Variants in COP1 observed in about 807,000 individuals in gnomAD.
The protein encoded by COP1 is E3 ubiquitin-protein ligase COP1.
In COP1, 24 loss-of-function variants were observed where a neutral mutation model predicts 101.3. The observed-to-expected ratio is 0.24, with a 90% CI of 0.17 to 0.33. The LOEUF (loss-of-function observed/expected upper bound fraction) is 0.33. COP1 is among the 10% of genes least tolerant of loss of function. The probability of loss-of-function intolerance (pLI) is 1.00; values close to 1 mark genes in which losing one functional copy is unlikely to be tolerated. For missense variants in COP1, 663 were observed against 906.2 expected, an observed-to-expected ratio of 0.73 and a Z score of 3.45; for synonymous variants, 347 against 341.9, an observed-to-expected ratio of 1.01 and a Z score of -0.17.
intron 11 of COP1, 150 bp downstream of exon 11, chr1:176,081,002 G>A (rs2502828): frequency 0.97 from 627,132 of 644,856 alleles, 305,722 homozygotes; most frequent in East Asian, 1. Flanking sequence ...GCATATAGAA[G>A]CTCAGGAACT....
intron 14 of COP1, among the ~76,000 whole-genome samples, chr1:176,038,809 C>T (rs974067386): frequency 5.2e-4 from 58 of 111,240 alleles, no homozygotes; most frequent in Non-Finnish European, 9.2e-4. Context: ...CAGAGCTAGA[C>T]TCCATCTCAA....
At chr1:176,054,997 G>T (rs1034257487) in intron 11 of COP1, among the ~76,000 whole-genome samples, 2 of 152,144 alleles carry the variant, frequency 1.3e-5, no homozygotes, top group Non-Finnish European at 2.9e-5. Context: ...AGTCAACTCC[G>T]AATTCTGACC....
At position 176,025,533 on chromosome 1, in the gene COP1, A is replaced by T. The variant is rs553250395; in HGVS notation, c.1729+2039T>A. On this transcript the variant is annotated intron_variant, in intron 15 of 19. Coordinates refer to ENST00000367669, the MANE Select transcript of COP1 (RefSeq NM_022457.7). ...AAATAACAAAAATGGTAACATATAT[A>T]GGAAAAAAAATTGACCAGAAAAGTC... 4.6e-5 allele frequency among the ~76,000 whole-genome samples: 7 copies of T among 152,044 alleles called. No individual in the cohort carries two copies. The East Asian group carries it at 1.3e-3, about 29-fold the overall frequency.
chr1:176,051,912 C>CA (rs1487223148), intron 11 of COP1, among the ~76,000 whole-genome samples: 1 of 151,168 alleles, frequency 6.6e-6, no homozygotes, highest in African/African-American at 2.4e-5. Context: ...AAAAAAATCA[C>CA]AAAGTCAAAA....
chr1:176,094,541 A>G (rs1681978446), intron 9 of COP1, among the ~76,000 whole-genome samples: 2 of 152,064 alleles, frequency 1.3e-5, no homozygotes, highest in Non-Finnish European at 2.9e-5. Flanking sequence ...TCAAACAGAA[A>G]TATTTATCAA....
intron 5 of COP1, among the ~76,000 whole-genome samples, chr1:176,154,057 T>C (rs1335158886): frequency 6.6e-6 from 1 of 152,182 alleles, no homozygotes; most frequent in Non-Finnish European, 1.5e-5. Context: ...GTTTCCTTTT[T>C]TTGCTGTGTC....
At chr1:176,150,888 G>C (rs886851406) in intron 5 of COP1, among the ~76,000 whole-genome samples, 1 of 152,116 alleles carries the variant, frequency 6.6e-6, no homozygotes, top group Admixed American at 6.6e-5. Flanking sequence ...CTTTTTAAAG[G>C]AAGAATTTCA....
intron 1 of COP1, 21 bp downstream of exon 1, chr1:176,206,551 G>C (rs552067715): frequency 6.2e-7 from 1 of 1,600,056 alleles, no homozygotes. Context: ...GGGACAAGGA[G>C]GGAGTGCTCT....
intron 10 of COP1, among the ~76,000 whole-genome samples, chr1:176,084,552 C>T (rs1323791226): frequency 6.6e-6 from 1 of 152,100 alleles, no homozygotes; most frequent in East Asian, 1.9e-4. Flanking sequence ...CAAGAGAATC[C>T]TAAGCAAAAA....
At chr1:176,019,073 C>G (rs540691077) in intron 15 of COP1, among the ~76,000 whole-genome samples, 1 of 151,704 alleles carries the variant, frequency 6.6e-6, no homozygotes, top group African/African-American at 2.4e-5. Context: ...GGCTGAGGCA[C>G]GAGAATCGCT....
chr1:176,155,909 T>C (rs1174143608), intron 5 of COP1, among the ~76,000 whole-genome samples: 1 of 151,932 alleles, frequency 6.6e-6, no homozygotes, highest in African/African-American at 2.4e-5. Context: ...ACAATCTGCT[T>C]TACAAGAAAT....
chr1:176,202,506 G>A (rs548725050), intron 1 of COP1, among the ~76,000 whole-genome samples: 1 of 151,866 alleles, frequency 6.6e-6, no homozygotes, highest in East Asian at 1.9e-4. Context: ...TTAATAGTCT[G>A]AAAAACAGAG....
At chr1:175,974,601 C>T (rs567838833) in intron 18 of COP1, among the ~76,000 whole-genome samples, 3 of 152,068 alleles carry the variant, frequency 2.0e-5, no homozygotes, top group South Asian at 2.1e-4. Flanking sequence ...AGATATAAAA[C>T]GTTTAAGATC....
At chr1:175,984,489 T>A (rs1339051495) in intron 18 of COP1, among the ~76,000 whole-genome samples, 1 of 152,216 alleles carries the variant, frequency 6.6e-6, no homozygotes, top group Non-Finnish European at 1.5e-5. Context: ...GGGCCCCTCA[T>A]GGAGAACCTC....
chr1:176,204,641 G>T (rs1700635045), intron 1 of COP1, among the ~76,000 whole-genome samples: 1 of 152,102 alleles, frequency 6.6e-6, no homozygotes, highest in African/African-American at 2.4e-5. Context: ...GAAATACTCA[G>T]GACCACGGTG....
At chr1:175,985,829 T>C (rs920030083) in intron 18 of COP1, among the ~76,000 whole-genome samples, 1 of 152,110 alleles carries the variant, frequency 6.6e-6, no homozygotes, top group Non-Finnish European at 1.5e-5. Context: ...AAACTGGAAA[T>C]GGAGCCACAG....
intron 2 of COP1, among the ~76,000 whole-genome samples, chr1:176,180,534 T>A (rs1036362488): frequency 6.6e-5 from 10 of 152,328 alleles, no homozygotes; most frequent in South Asian, 2.1e-4. Flanking sequence ...CTGCAACTCT[T>A]AAAAATAATT....
intron 7 of COP1, among the ~76,000 whole-genome samples, chr1:176,135,804 C>A (rs1178689976): frequency 1.3e-5 from 2 of 152,044 alleles, no homozygotes; most frequent in African/African-American, 2.4e-5. Flanking sequence ...AATGCAACCT[C>A]AGCTCAATCA....
intron 11 of COP1, among the ~76,000 whole-genome samples, chr1:176,078,095 T>C (rs2481652): frequency 0.92 from 140,129 of 152,212 alleles, 65,329 homozygotes; most frequent in East Asian, 1. Flanking sequence ...AGATCCAATG[T>C]TATCCTTAAA....
Sources: allele counts gnomAD v4.1 joint callset (sites outside exome capture counted in the v4.1 genomes callset), GRCh38; gene constraint gnomAD v4.1.1; transcripts MANE v1.5; gene names NCBI Gene and HGNC (gene_info 2026-07-23, HGNC 2026-07-21).